COL10A1: variants seen among roughly 807,000 people sequenced by gnomAD.
COL10A1 encodes collagen type X alpha 1 chain.
In COL10A1, 10 loss-of-function variants were observed where a neutral mutation model predicts 18.2. The observed-to-expected ratio is 0.55, with a 90% CI of 0.34 to 0.93. COL10A1 has a LOEUF of 0.93. Among genes scored for constraint, COL10A1 ranks in the 40% least tolerant of loss-of-function variants. The probability of loss-of-function intolerance (pLI) is 0.02; values close to 1 mark genes in which losing one functional copy is unlikely to be tolerated. For missense variants in COL10A1, 897 were observed against 853.5 expected, an observed-to-expected ratio of 1.05 and a Z score of -0.64; for synonymous variants, 330 against 316.6, an observed-to-expected ratio of 1.04 and a Z score of -0.45.
At chr6:116,140,357 A>G (rs1038653966) in intron 1 of COL10A1, among the ~76,000 whole-genome samples, 1 of 152,112 alleles carries the variant, frequency 6.6e-6, no homozygotes, top group African/African-American at 2.4e-5. Context: ...TTCTGGGCAC[A>G]TCACACCTCT....
the COL10A1 span, among the ~76,000 whole-genome samples, chr6:116,215,761 C>G: frequency 3.3e-3 from 502 of 152,140 alleles, 15 homozygotes; most frequent in South Asian, 0.046. Context: ...TTGACTAGGC[C>G]AAGTGCAGAC....
At chr6:116,189,021 A>C in the COL10A1 span, among the ~76,000 whole-genome samples, 2 of 151,940 alleles carry the variant, frequency 1.3e-5, no homozygotes, top group Non-Finnish European at 2.9e-5. Context: ...AGATTTTATA[A>C]ATTCTAGAAG....
intron 1 of COL10A1, among the ~76,000 whole-genome samples, chr6:116,152,069 A>T (rs1780055512): frequency 6.6e-6 from 1 of 152,236 alleles, no homozygotes; most frequent in Non-Finnish European, 1.5e-5. Context: ...TACAAAGCAG[A>T]AGGTGAAATG....
At chr6:116,135,832 C>CATAT in intron 1 of COL10A1, among the ~76,000 whole-genome samples, 1 of 69,966 alleles carries the variant, frequency 1.4e-5, no homozygotes, top group Non-Finnish European at 2.6e-5. Context: ...AATATATTTT[C>CATAT]AGATATATAT....
upstream of COL10A1, among the ~76,000 whole-genome samples, chr6:116,163,141 A>AAAAAAAAAAAAAAT (rs761718922): frequency 1.1e-5 from 1 of 88,408 alleles, no homozygotes; most frequent in Non-Finnish European, 2.0e-5. Flanking sequence ...AAAAAAAAAA[A>AAAAAAAAAAAAAAT]ATATATATAT....
chr6:116,120,808 A>G lies in COL10A1; in HGVS notation c.1308T>C (p.Asn436=). The change falls in exon 3 of 3, where the codon AAT becomes AAC. Residue 436 remains asparagine (N), a synonymous_variant. Coordinates refer to ENST00000651968, the MANE Select transcript of COL10A1 (RefSeq NM_000493.4). ...GGGCACCTCTTGGGCCAGCCTCTCC[A>G]TTGTGTCCGGGCATTCCCTTTGCTC... The part of the protein sequence containing the change: ...PAGAKGMPGH[N]GEAGPRGAPG... 1 of 1,612,674 alleles carries G rather than the reference A, an allele frequency of 6.2e-7. No homozygotes were observed. The highest frequency in any genetic ancestry group is 2.2e-5 in the East Asian group (1 of 44,862).
At chr6:116,172,552 C>T in the COL10A1 span, among the ~76,000 whole-genome samples, 1 of 151,992 alleles carries the variant, frequency 6.6e-6, no homozygotes, top group Non-Finnish European at 1.5e-5. Flanking sequence ...GATCTCCTGA[C>T]CCCCTGATCC....
chr6:116,157,198 G>A (rs1780217554), intron 1 of COL10A1, among the ~76,000 whole-genome samples: 1 of 152,108 alleles, frequency 6.6e-6, no homozygotes, highest in African/African-American at 2.4e-5. Flanking sequence ...TCTACCTCAT[G>A]TTTTCATTAT....
At chr6:116,182,902 G>C in the COL10A1 span, among the ~76,000 whole-genome samples, 1 of 151,780 alleles carries the variant, frequency 6.6e-6, no homozygotes, top group East Asian at 1.9e-4. Context: ...ATTTATCTTT[G>C]CTTTTGTTGA....
At chr6:116,173,490 A>G in the COL10A1 span, among the ~76,000 whole-genome samples, 1 of 152,050 alleles carries the variant, frequency 6.6e-6, no homozygotes, top group African/African-American at 2.4e-5. Flanking sequence ...GTCCCTTTAG[A>G]GCAGAGAGCT....
At chr6:116,129,202 A>G (rs1779402468), upstream of COL10A1, among the ~76,000 whole-genome samples, 1 of 152,228 alleles carries the variant, frequency 6.6e-6, no homozygotes, top group East Asian at 1.9e-4. Context: ...TAGTTCACAT[A>G]CATATATAGA....
chr6:116,209,297 T>C, the COL10A1 span, among the ~76,000 whole-genome samples: 3 of 152,000 alleles, frequency 2.0e-5, no homozygotes, highest in South Asian at 6.2e-4. Flanking sequence ...CTTTCTTAGC[T>C]TGTGGGCTGT....
chr6:116,126,513 T>C (rs931312793), upstream of COL10A1, among the ~76,000 whole-genome samples: 3 of 152,176 alleles, frequency 2.0e-5, no homozygotes, highest in Admixed American at 2.0e-4. Flanking sequence ...GCGGATAAAA[T>C]TCCTTGAAGG....
At chr6:116,126,250 A>G (rs922674487), upstream of COL10A1, 3 of 152,156 alleles carry the variant, frequency 2.0e-5, no homozygotes, top group Non-Finnish European at 2.9e-5. Context: ...GGAAAGTTCT[A>G]TTGGGTAGGC....
upstream of COL10A1, among the ~76,000 whole-genome samples, chr6:116,131,080 A>T (rs1779447109): frequency 2.0e-5 from 3 of 152,158 alleles, no homozygotes; most frequent in Admixed American, 2.0e-4. Flanking sequence ...ATACTTTCAT[A>T]AAGTACATAT....
At chr6:116,195,755 A>G in the COL10A1 span, among the ~76,000 whole-genome samples, 1 of 152,064 alleles carries the variant, frequency 6.6e-6, no homozygotes, top group African/African-American at 2.4e-5. Context: ...ATTTAGATCA[A>G]CAATAGCAAC....
At chr6:116,134,113 A>G (rs1779532751) in intron 1 of COL10A1, among the ~76,000 whole-genome samples, 1 of 152,230 alleles carries the variant, frequency 6.6e-6, no homozygotes, top group Admixed American at 6.5e-5. Context: ...CATAAGTGGC[A>G]AAACAGTGCT....
the COL10A1 span, among the ~76,000 whole-genome samples, chr6:116,202,378 T>G: frequency 6.6e-6 from 1 of 152,056 alleles, no homozygotes; most frequent in African/African-American, 2.4e-5. Context: ...GTTCTTAAAC[T>G]CATCACTAAA....
the COL10A1 span, among the ~76,000 whole-genome samples, chr6:116,203,386 G>A: frequency 6.6e-6 from 1 of 151,840 alleles, no homozygotes; most frequent in Admixed American, 6.6e-5. Context: ...CTCCCTTCTA[G>A]CCAACATCCC....
Sources: gnomAD v4.1 joint callset for allele counts (sites outside exome capture counted in the v4.1 genomes callset) on GRCh38, gnomAD v4.1.1 for gene constraint, MANE v1.5 for transcripts, NCBI Gene and HGNC (gene_info 2026-07-23, HGNC 2026-07-21) for gene names.